The following FSTL5 variants were observed in gnomAD, a reference collection of about 807,000 sequenced individuals.
The protein encoded by FSTL5 is follistatin like 5.
A neutral mutation model predicts 89.1 loss-of-function variants in FSTL5; 62 were observed. The observed-to-expected ratio is 0.70, with a 90% CI of 0.57 to 0.86. FSTL5 has a LOEUF of 0.86. Among genes scored for constraint, FSTL5 ranks in the 40% least tolerant of loss-of-function variants. The pLI, the probability that FSTL5 is intolerant of heterozygous loss-of-function variation, is 0.00. For synonymous variants in FSTL5, 383 were observed against 346.2 expected (o/e 1.11, Z -1.18); for missense variants, 1,057 against 1,001.6 (o/e 1.06, Z -0.75).
intron 3 of FSTL5, among the ~76,000 whole-genome samples, chr4:161,960,197 G>A (rs1365451985): frequency 1.8e-4 from 22 of 121,950 alleles, no homozygotes; most frequent in African/African-American, 4.4e-4. Context: ...ATGGAGTTTC[G>A]CTCTTGTTGC....
chr4:161,957,127 G>A (rs892961654), intron 3 of FSTL5, among the ~76,000 whole-genome samples: 16 of 151,814 alleles, frequency 1.1e-4, no homozygotes, highest in African/African-American at 3.6e-4. Flanking sequence ...AGATCCTTGG[G>A]CTATAAAATG....
At chr4:161,891,382 C>T (rs1732983766) in intron 4 of FSTL5, among the ~76,000 whole-genome samples, 1 of 152,026 alleles carries the variant, frequency 6.6e-6, no homozygotes, top group Non-Finnish European at 1.5e-5. Context: ...ACTCTATTTG[C>T]AGGAATATTT....
intron 6 of FSTL5, among the ~76,000 whole-genome samples, chr4:161,734,310 T>A (rs1182721456): frequency 6.6e-6 from 1 of 151,842 alleles, no homozygotes; most frequent in Non-Finnish European, 1.5e-5. Flanking sequence ...TTCAAAGGAG[T>A]TCTAGCTTAT....
chr4:161,390,245 T>C (rs1383783241), intron 15 of FSTL5, among the ~76,000 whole-genome samples: 1 of 152,158 alleles, frequency 6.6e-6, no homozygotes, highest in African/African-American at 2.4e-5. Context: ...AAATAGATCC[T>C]CGGCTTACCC....
chr4:161,712,309 T>C lies in FSTL5; in HGVS notation c.727+47102A>G, dbSNP rs1370772560. Among the ~76,000 whole-genome samples the C allele has an allele frequency of 2.0e-5, 3 of 151,912 alleles. No homozygotes were observed. In the East Asian group the frequency reaches 5.8e-4, roughly 29 times the overall value. Reference sequence around the variant, plus strand: ...AAAAGTGTTTAAAAAGAATAAATAATAAAAAGAATAAATAACATAGAGATA... The same window carrying C: ...AAAAGTGTTTAAAAAGAATAAATAACAAAAAGAATAAATAACATAGAGATA... On this transcript the variant is annotated intron_variant, in intron 6 of 15. Transcript: ENST00000306100.
chr4:162,111,519 A>G, intron 1 of FSTL5, 107 bp from the exon 2 acceptor site: 1 of 844,292 alleles, frequency 1.2e-6, no homozygotes, highest in Non-Finnish European at 1.7e-6. Context: ...AATCTAATCA[A>G]AACTTGCTGG....
chr4:161,637,453 A>G (rs1427091878), intron 7 of FSTL5, among the ~76,000 whole-genome samples: 5 of 150,252 alleles, frequency 3.3e-5, no homozygotes, highest in African/African-American at 4.9e-5. Flanking sequence ...GCTGTGCAGA[A>G]GCTCTTTAGT....
chr4:161,675,990 T>A (rs1737287616), intron 6 of FSTL5, among the ~76,000 whole-genome samples: 1 of 152,136 alleles, frequency 6.6e-6, no homozygotes, highest in Non-Finnish European at 1.5e-5. Context: ...AGGAAACGAA[T>A]CACATCAGAT....
intron 13 of FSTL5, among the ~76,000 whole-genome samples, chr4:161,472,782 C>T (rs867533749): frequency 4.6e-5 from 7 of 150,946 alleles, no homozygotes; most frequent in South Asian, 4.2e-4. Flanking sequence ...TGGAGTGCAG[C>T]GGCATGATCT....
intron 4 of FSTL5, among the ~76,000 whole-genome samples, chr4:161,895,586 G>T (rs1353620189): frequency 1.3e-5 from 2 of 152,118 alleles, no homozygotes; most frequent in South Asian, 2.1e-4. Flanking sequence ...CACAGCAGTT[G>T]TAGTTTTGAT....
In FSTL5 at chr4:161,766,117, T is replaced by A. The variant is rs182339245; in HGVS notation, c.607-6586A>T. On this transcript the variant is annotated intron_variant, in intron 5 of 15. Transcript: ENST00000306100. ...TCCTAATATGCATTTTTAATGTAAA[T>A]CAGTTTATTAAGATGACAGAATCTA... Among the ~76,000 whole-genome samples the A allele has an allele frequency of 2.1e-3, 323 of 152,284 alleles. 4 individuals carry two copies. The highest frequency in any genetic ancestry group is 7.6e-3 in the African/African-American group (314 of 41,564).
chr4:161,977,612 C>CAAAAAAAAAAA (rs796909244), intron 3 of FSTL5, among the ~76,000 whole-genome samples: 21 of 95,122 alleles, frequency 2.2e-4, no homozygotes, highest in Middle Eastern at 4.8e-3. Context: ...GACTCCGTGT[C>CAAAAAAAAAAA]AAAAAAAAAA....
intron 4 of FSTL5, among the ~76,000 whole-genome samples, chr4:161,803,035 G>A (rs1729846664): frequency 6.6e-6 from 1 of 151,842 alleles, no homozygotes; most frequent in Admixed American, 6.6e-5. Flanking sequence ...AAATTTAAAA[G>A]TGAATTAATT....
At chr4:162,125,206 A>G (rs776841838) in intron 1 of FSTL5, among the ~76,000 whole-genome samples, 15 of 152,138 alleles carry the variant, frequency 9.9e-5, no homozygotes, top group Non-Finnish European at 2.1e-4. Context: ...TTTTAATTAT[A>G]TTTTTAATTT....
At chr4:162,046,435 G>C (rs1480594117) in intron 2 of FSTL5, among the ~76,000 whole-genome samples, 2 of 152,110 alleles carry the variant, frequency 1.3e-5, no homozygotes, top group Non-Finnish European at 2.9e-5. Context: ...CTGCACAAAG[G>C]CACAGAGTTG....
At chr4:161,448,304 C>A (rs754432490) in intron 15 of FSTL5, among the ~76,000 whole-genome samples, 1 of 152,076 alleles carries the variant, frequency 6.6e-6, no homozygotes, top group African/African-American at 2.4e-5. Context: ...TCTCTAAATG[C>A]CATGGAACAG....
intron 4 of FSTL5, among the ~76,000 whole-genome samples, chr4:161,785,954 T>A (rs1270839222): frequency 1.3e-5 from 2 of 152,260 alleles, no homozygotes; most frequent in Admixed American, 6.5e-5. Context: ...AAAGTGGTAA[T>A]GAAATACAGG....
At chr4:161,746,372 C>T (rs1245710579) in intron 6 of FSTL5, among the ~76,000 whole-genome samples, 1 of 152,128 alleles carries the variant, frequency 6.6e-6, no homozygotes, top group African/African-American at 2.4e-5. Context: ...ATTTACCCAA[C>T]TCCACTTGTT....
rs1386621608 is a variant in FSTL5, at chr4:161,459,217, G to A, written c.1711C>T (p.Leu571=). ...ATATACTGAAATGTACTTACCTGTA[G>A]TGTTGGTGATGTCTTCTCCAAGGTA... ...WGTLEKTSPT[L]QVITLASGNV... Residue 571 remains leucine, a synonymous_variant, in exon 14 of 16, where the codon CTA becomes TTA. Transcript: ENST00000306100. The A allele has an allele frequency of 1.3e-6, 2 of 1,552,436 alleles. No homozygotes were observed. Among genetic ancestry groups the A allele is most frequent in the African/African-American group, 1.4e-5 (1 of 73,746 alleles).
Sources: allele counts gnomAD v4.1 joint callset (sites outside exome capture counted in the v4.1 genomes callset), GRCh38; gene constraint gnomAD v4.1.1; transcripts MANE v1.5; gene names NCBI Gene and HGNC (gene_info 2026-07-23, HGNC 2026-07-21).